Variants in DPYSL5 observed in about 807,000 individuals in gnomAD.
DPYSL5 encodes dihydropyrimidinase like 5, also known as dihydropyrimidinase-related protein 5.
DPYSL5 carries 9 observed loss-of-function variants against 58.4 expected under a neutral mutation model. The ratio of observed to expected loss-of-function variants is 0.15; its 90% confidence interval spans 0.09 to 0.27. The LOEUF is 0.27. DPYSL5 is among the 10% of genes least tolerant of loss of function. The probability of loss-of-function intolerance (pLI) is 1.00; values close to 1 mark genes in which losing one functional copy is unlikely to be tolerated. For missense variants in DPYSL5, 499 were observed against 770.6 expected (o/e 0.65, Z 4.17); for synonymous variants, 293 against 301.9 (o/e 0.97, Z 0.31).
chr2:26,912,006 C>A (rs1307266204), intron 2 of DPYSL5, among the ~76,000 whole-genome samples: 2 of 152,238 alleles, frequency 1.3e-5, no homozygotes, highest in Non-Finnish European at 2.9e-5. Context: ...AGACCCCGAG[C>A]TGGTGCGTGG....
At chr2:26,926,724 C>T (rs1335503936) in intron 3 of DPYSL5, among the ~76,000 whole-genome samples, 1 of 152,192 alleles carries the variant, frequency 6.6e-6, no homozygotes, top group African/African-American at 2.4e-5. Flanking sequence ...GTGGATGAAC[C>T]TGAACTTATT....
At chr2:26,943,523 A>G (rs1411555649) in intron 11 of DPYSL5, among the ~76,000 whole-genome samples, 1 of 152,190 alleles carries the variant, frequency 6.6e-6, no homozygotes, top group East Asian at 1.9e-4. Context: ...TCGGCCTCCT[A>G]AAGTGCTGGG....
chr2:26,869,277 TTTTC>T (rs1663197642), intron 1 of DPYSL5, among the ~76,000 whole-genome samples: 2 of 152,188 alleles, frequency 1.3e-5, no homozygotes, highest in Non-Finnish European at 2.9e-5. Flanking sequence ...CCTTTCTTAG[TTTTC>T]TTTCTTTTTT....
chr2:26,865,666 T>C (rs1666122954), intron 1 of DPYSL5, among the ~76,000 whole-genome samples: 1 of 152,156 alleles, frequency 6.6e-6, no homozygotes, highest in African/African-American at 2.4e-5. Flanking sequence ...CCCACTTTAT[T>C]GTATAAACAT....
intron 1 of DPYSL5, among the ~76,000 whole-genome samples, chr2:26,871,281 C>T (rs1663256680): frequency 2.0e-5 from 3 of 152,150 alleles, no homozygotes; most frequent in Non-Finnish European, 4.4e-5. Context: ...CTTATCCCTT[C>T]CCATCATTTT....
chr2:26,942,548 T>A lies in DPYSL5; in HGVS notation c.1238T>A (p.Ile413Asn). ...VVWDPEATKT[I>N]SASTQVQGGD... is the part of the protein sequence containing the mutation. ...CGCCATTGCCTCCCCACCAGGACCA[T>A]CTCAGCCAGCACGCAGGTCCAGGGA... The change falls in exon 11 of 13, where the codon ATC (isoleucine) becomes AAC (asparagine). Residue 413 changes from isoleucine (I) to asparagine (N), a missense_variant. Transcript: ENST00000288699. The surrounding 1 kb of genome is among the most constrained non-coding windows in gnomAD (Gnocchi z 5.9). 6.2e-7 allele frequency: 1 copy of A among 1,613,932 alleles called. No individual in the cohort carries two copies. The highest frequency in any genetic ancestry group is 8.5e-7 in the Non-Finnish European group (1 of 1,179,948).
intron 1 of DPYSL5, among the ~76,000 whole-genome samples, chr2:26,879,592 AG>A (rs1447890066): frequency 5.9e-5 from 9 of 151,792 alleles, no homozygotes; most frequent in Admixed American, 5.9e-4. Context: ...AAGTGAAGTT[AG>A]CATATGGACC....
At chr2:26,900,589 C>T (rs1447554264) in intron 2 of DPYSL5, among the ~76,000 whole-genome samples, 1 of 152,170 alleles carries the variant, frequency 6.6e-6, no homozygotes, top group East Asian at 1.9e-4. Flanking sequence ...TTTTGTTGGG[C>T]ACATACTCCC....
chr2:26,851,771 C>T lies in DPYSL5; in HGVS notation c.-5+3517C>T, dbSNP rs559510530. Among the ~76,000 whole-genome samples the T allele has an allele frequency of 7.2e-5, 11 of 152,152 alleles. No individual in the cohort carries two copies. The South Asian group carries it at 2.1e-3, about 29-fold the overall frequency. ...CAGCCTGGCCAACATGGTGAAACTCCATCTCTACTAAAAATACAAAAAAAT... is the reference window on the plus strand; with the variant it reads ...CAGCCTGGCCAACATGGTGAAACTCTATCTCTACTAAAAATACAAAAAAAT... On this transcript the variant is annotated intron_variant, in intron 1 of 12. Transcript: ENST00000288699.
intron 11 of DPYSL5, among the ~76,000 whole-genome samples, chr2:26,943,440 G>A (rs1180826792): frequency 6.6e-6 from 1 of 152,134 alleles, no homozygotes; most frequent in Non-Finnish European, 1.5e-5. Flanking sequence ...TTACTTTTTT[G>A]TGGAGATGGA....
intron 5 of DPYSL5, among the ~76,000 whole-genome samples, chr2:26,929,452 G>A (rs374493183): frequency 1.3e-5 from 2 of 152,032 alleles, no homozygotes; most frequent in South Asian, 2.1e-4. Flanking sequence ...GGCTGGTTTC[G>A]AACTCCTGAC....
At chr2:26,932,191 G>A (rs1470154968) in intron 6 of DPYSL5, among the ~76,000 whole-genome samples, 1 of 80,222 alleles carries the variant, frequency 1.2e-5, no homozygotes, top group African/African-American at 4.6e-5. Flanking sequence ...AAGAAAGAAA[G>A]AAAGAAAGAA....
In DPYSL5 at chr2:26,927,537, A is replaced by C; in HGVS notation, c.600+105A>C. On this transcript the variant is annotated intron_variant, in intron 4 of 12. Coordinates refer to ENST00000288699, the MANE Select transcript of DPYSL5 (RefSeq NM_020134.4). This position sits in a 1 kb window ranked among gnomAD's most constrained non-coding sequence, Gnocchi z 4.3. ...CACTGATCCCACAGGATTCAGACAA[A>C]ATCAGTTGTTAAAGTGTGAGGTGTG... 1 of 1,423,404 alleles carries C rather than the reference A, an allele frequency of 7.0e-7. No individual in the cohort carries two copies. The highest frequency in any genetic ancestry group is 9.4e-7 in the Non-Finnish European group (1 of 1,058,860). 88.2% of individuals were successfully genotyped at this position (1,423,404 alleles called of 1,614,324 possible).
chr2:26,858,735 ATT>A (rs761364725), intron 1 of DPYSL5, among the ~76,000 whole-genome samples: 14 of 104,698 alleles, frequency 1.3e-4, no homozygotes, highest in African/African-American at 4.6e-4. Flanking sequence ...ACACCCAGCT[ATT>A]TTTTTTTTTT....
chr2:26,869,595 T>C (rs1663204434), intron 1 of DPYSL5, among the ~76,000 whole-genome samples: 1 of 152,216 alleles, frequency 6.6e-6, no homozygotes, highest in African/African-American at 2.4e-5. Flanking sequence ...CTGTTGTGAA[T>C]AGAACATTTT....
At position 26,932,212 on chromosome 2, in the gene DPYSL5, GAAA is replaced by G. The variant is rs1665049158; in HGVS notation, c.714+529_714+531del. On this transcript the variant is annotated intron_variant, in intron 6 of 12. Transcript: ENST00000288699. ...GAAAGAAAGAAAGAAAGAAAGAAAAGAAAGAAAGAAAGAAAGAAAGAAAACCAA... is the reference window on the plus strand; with the variant it reads ...GAAAGAAAGAAAGAAAGAAAGAAAAGGAAAGAAAGAAAGAAAGAAAACCAA... 3.1e-4 allele frequency among the ~76,000 whole-genome samples: 18 copies of G among 58,524 alleles called. 1 individual carries two copies. Among genetic ancestry groups the G allele is most frequent in the South Asian group, 6.8e-4 (1 of 1,472 alleles). 38.4% of individuals were successfully genotyped at this position (58,524 alleles called of 152,430 possible).
intron 1 of DPYSL5, among the ~76,000 whole-genome samples, chr2:26,858,640 G>T (rs1410036655): frequency 6.6e-6 from 1 of 151,396 alleles, no homozygotes; most frequent in African/African-American, 2.4e-5. Context: ...GCATGATTGG[G>T]GCAGCCTCGA....
At chr2:26,922,408 T>C (rs1664727448) in intron 2 of DPYSL5, among the ~76,000 whole-genome samples, 1 of 152,240 alleles carries the variant, frequency 6.6e-6, no homozygotes, top group Non-Finnish European at 1.5e-5. Flanking sequence ...TTTATGAAGA[T>C]GTATTTGACA....
chr2:26,926,495 C>G (rs1664832594), intron 3 of DPYSL5, among the ~76,000 whole-genome samples: 1 of 152,096 alleles, frequency 6.6e-6, no homozygotes, highest in South Asian at 2.1e-4. Flanking sequence ...TTATAATAAT[C>G]AAATAAATGT....
Sources: gnomAD v4.1 joint callset for allele counts (sites outside exome capture counted in the v4.1 genomes callset) on GRCh38, gnomAD v4.1.1 for gene constraint, Gnocchi (gnomAD v3.1) non-coding constraint, MANE v1.5 for transcripts, NCBI Gene and HGNC (gene_info 2026-07-23, HGNC 2026-07-21) for gene names.